Variants in MAST1 observed in about 807,000 individuals in gnomAD.
MAST1 encodes the protein microtubule associated serine/threonine kinase 1.
Under a neutral mutation model 124.6 loss-of-function variants are expected in MAST1, and 40 were observed. That is an observed-to-expected ratio of 0.32 (90% confidence interval 0.25 to 0.42). The LOEUF (loss-of-function observed/expected upper bound fraction) is 0.42. Among genes scored for constraint, MAST1 ranks in the 10% least tolerant of loss-of-function variants. The pLI, the probability that MAST1 is intolerant of heterozygous loss-of-function variation, is 1.00. For missense variants in MAST1, 1,558 were observed against 2,181.9 expected (o/e 0.71, Z 5.70); for synonymous variants, 938 against 939.4 (o/e 1.00, Z 0.03).
chr19:12,850,771 C>A (rs1038663606), intron 7 of MAST1, among the ~76,000 whole-genome samples: 1 of 151,650 alleles, frequency 6.6e-6, no homozygotes, highest in Non-Finnish European at 1.5e-5. Flanking sequence ...TCTATGTTGC[C>A]CAGGGTGGTC....
intron 12 of MAST1, among the ~76,000 whole-genome samples, chr19:12,859,929 T>C (rs555527201): frequency 6.6e-6 from 1 of 151,850 alleles, no homozygotes; most frequent in Non-Finnish European, 1.5e-5. Context: ...CTCCAACTCC[T>C]GGGCTCAAGC....
chr19:12,868,126 T>TTTTTTTTTTTTTTTTTTTTTAAA, intron 20 of MAST1, 149 bp downstream of exon 20: 1 of 637,110 alleles, frequency 1.6e-6, no homozygotes, highest in East Asian at 3.8e-5. Flanking sequence ...TTTTTTTTTT[T>TTTTTTTTTTTTTTTTTTTTTAAA]GAGACAGAGT....
chr19:12,865,928 G>T lies in MAST1; in HGVS notation c.1907-52G>T. 3 of 1,612,024 alleles carry T rather than the reference G, an allele frequency of 1.9e-6. No individual in the cohort carries two copies. The highest frequency in any genetic ancestry group is 1.7e-6 in the Non-Finnish European group (2 of 1,178,886). Reference sequence around the variant, plus strand: ...CGGGGCGGAAGACATGGGGGGCGGGGCTGGGCTGCTGGGTTGGCCATCAGC... The same window carrying T: ...CGGGGCGGAAGACATGGGGGGCGGGTCTGGGCTGCTGGGTTGGCCATCAGC... On this transcript the variant is annotated intron_variant, in intron 16 of 25. Transcript: ENST00000251472. This position sits in a 1 kb window ranked among gnomAD's most constrained non-coding sequence, Gnocchi z 7.1.
Position 12,865,399 on chromosome 19 carries a change from G to T in MAST1, c.1722G>T (p.Gly574=). 5 of 1,612,630 alleles carry T rather than the reference G, an allele frequency of 3.1e-6. No individual in the cohort carries two copies. The highest frequency in any genetic ancestry group is 4.2e-6 in the Non-Finnish European group (5 of 1,179,290). Residue 574 remains glycine (G), a synonymous_variant, in exon 15 of 26, where the codon GGG becomes GGT. Coordinates refer to ENST00000251472, the MANE Select transcript of MAST1 (RefSeq NM_014975.3). This position sits in a 1 kb window ranked among gnomAD's most constrained non-coding sequence, Gnocchi z 7.1. ...AGCCAGTGGACTGGTGGGCTATGGG[G>T]ATCATCCTCTACGAGTTCCTGGTGG... is the stretch of plus-strand genomic sequence containing the variant. ...YGKPVDWWAM[G]IILYEFLVGC...
At position 12,870,895 on chromosome 19, in the gene MAST1, G is replaced by C; in HGVS notation, c.3075G>C (p.Gly1025=). 6.2e-7 allele frequency: 1 copy of C among 1,614,060 alleles called. No homozygotes were observed. Among genetic ancestry groups the C allele is most frequent in the African/African-American group, 1.3e-5 (1 of 74,998 alleles). Residue 1025 remains glycine, a synonymous_variant, in exon 23 of 26, where the codon GGG becomes GGC. Transcript: ENST00000251472. ...CAGDLITHVN[G]EPVHGMVHPE... is the part of the protein sequence containing the mutation. ...GGGACCTCATCACCCACGTGAATGGGGAGCCTGTGCATGGCATGGTGCATC... is the reference window on the plus strand; with the variant it reads ...GGGACCTCATCACCCACGTGAATGGCGAGCCTGTGCATGGCATGGTGCATC...
At chr19:12,851,325 G>A (rs1354368612) in intron 7 of MAST1, among the ~76,000 whole-genome samples, 1 of 151,106 alleles carries the variant, frequency 6.6e-6, no homozygotes, top group Non-Finnish European at 1.5e-5. Context: ...GAGTGCAGTG[G>A]TATAATCAGC....
chr19:12,859,134 C>T (rs1264529397), intron 12 of MAST1, among the ~76,000 whole-genome samples: 1 of 152,048 alleles, frequency 6.6e-6, no homozygotes, highest in East Asian at 1.9e-4. Context: ...GGCTGCAGTG[C>T]AGTGGTGCAA....
chr19:12,870,239 C>T (rs1393229178), intron 22 of MAST1, among the ~76,000 whole-genome samples: 2 of 148,922 alleles, frequency 1.3e-5, no homozygotes, highest in Non-Finnish European at 3.0e-5. Context: ...CCTGTAATCC[C>T]GGCACTTTGG....
At chr19:12,851,834 A>G (rs7250751) in intron 7 of MAST1, 100 bp from the exon 8 acceptor site, 275,104 of 858,524 alleles carry the variant, frequency 0.32, 48,885 homozygotes, top group East Asian at 0.68. Context: ...CACCTGTAAG[A>G]TGGGACAGTA....
intron 3 of MAST1, among the ~76,000 whole-genome samples, chr19:12,842,903 T>C (rs1390454829): frequency 6.6e-6 from 1 of 152,120 alleles, no homozygotes; most frequent in Non-Finnish European, 1.5e-5. Context: ...TGCATTAGTG[T>C]GTGAGAGTGT....
At chr19:12,848,149 G>A in intron 7 of MAST1, 92 bp downstream of exon 7, 3 of 1,213,400 alleles carry the variant, frequency 2.5e-6, no homozygotes, top group Admixed American at 2.1e-5. Context: ...TACATTCAGG[G>A]AGCTCCTACC....
intron 3 of MAST1, among the ~76,000 whole-genome samples, chr19:12,842,266 T>C (rs573932172): frequency 1.3e-4 from 19 of 151,782 alleles, no homozygotes; most frequent in Non-Finnish European, 2.6e-4. Context: ...AGAGTCACAG[T>C]GTTTACTGTC....
rs1418376163 is a variant in MAST1, at chr19:12,847,721, C to T, written c.564+34C>T. 2 of 1,609,032 alleles carry T rather than the reference C, an allele frequency of 1.2e-6. No individual in the cohort carries two copies. Among genetic ancestry groups the T allele is most frequent in the East Asian group, 2.2e-5 (1 of 44,794 alleles). On this transcript the variant is annotated intron_variant, in intron 6 of 25. Transcript: ENST00000251472. The surrounding 1 kb of genome is among the most constrained non-coding windows in gnomAD (Gnocchi z 5.5). ...GGACCCGAGGCGGTCACGGGGTGAC[C>T]AGGCGGCCTGCACTCTCGCTCGCCT...
rs749533973 is a variant in MAST1 at position 12,874,309 on chromosome 19, G to C, written c.4152G>C (p.Arg1384=). ...ATTPGGRTLE[R]DVGCTRHQSV... ...CCCCCGGTGGCCGGACCCTGGAGCG[G>C]GACGTCGGCTGCACGCGGCATCAGA... The change falls in exon 26 of 26, where the codon CGG becomes CGC. Residue 1384 remains arginine (R), a synonymous_variant. Transcript: ENST00000251472. The surrounding 1 kb of genome is among the most constrained non-coding windows in gnomAD (Gnocchi z 6.6). 4.4e-6 allele frequency: 7 copies of C among 1,594,358 alleles called. No homozygotes were observed. The South Asian group carries it at 7.7e-5, about 18-fold the overall frequency.
intron 12 of MAST1, among the ~76,000 whole-genome samples, chr19:12,862,978 G>A (rs1970103501): frequency 6.6e-6 from 1 of 151,540 alleles, no homozygotes; most frequent in Admixed American, 6.6e-5. Context: ...ATGAAACCCT[G>A]TTTCTACTAA....
intron 24 of MAST1, 90 bp downstream of exon 24, chr19:12,871,262 C>A: frequency 3.2e-6 from 5 of 1,551,282 alleles, no homozygotes; most frequent in East Asian, 2.3e-5. Flanking sequence ...GGGAAGAGCA[C>A]GGGAAAGGTG....
At position 12,874,587 on chromosome 19, in the gene MAST1, G is replaced by C. The variant is rs1392608040; in HGVS notation, c.4430G>C (p.Arg1477Pro). The C allele has an allele frequency of 6.6e-7, 1 of 1,507,596 alleles. No homozygotes were observed. Among genetic ancestry groups the C allele is most frequent in the Non-Finnish European group, 8.9e-7 (1 of 1,129,912 alleles). The allele number at this position is 1,507,596 out of a possible 1,614,324, so 93.4% of individuals were successfully genotyped here. ...TCCGTGCCCGAGGCCCCCCGGGGCCGGGAGCGCTGGGTGTTGGAGGTGGTG... is the reference window on the plus strand; with the variant it reads ...TCCGTGCCCGAGGCCCCCCGGGGCCCGGAGCGCTGGGTGTTGGAGGTGGTG... The part of the protein sequence containing the change: ...APSVPEAPRG[R>P]ERWVLEVVEE... Residue 1477 changes from arginine (R) to proline (P), a missense_variant, in exon 26 of 26, where the codon CGG (arginine) becomes CCG (proline). Transcript: ENST00000251472. This position sits in a 1 kb window ranked among gnomAD's most constrained non-coding sequence, Gnocchi z 6.6.
At position 12,867,921 on chromosome 19, in the gene MAST1, C is replaced by T. The variant is rs534409331; in HGVS notation, c.2510C>T (p.Ala837Val). Residue 837 changes from alanine (A) to valine (V), a missense_variant, in exon 20 of 26, where the codon GCC becomes GTC. By Grantham distance (64) the Ala-to-Val change is moderately conservative. This residue lies in a region of MAST1 where 287 missense variants were observed against 308.0 expected (regional missense o/e 0.93). Transcript: ENST00000251472. ...CCCGCGGGATCCCTGGATGCACGGG[C>T]CCCCAAAGAGGAGACTCAAGGGGAA... ...SDPAGSLDAR[A>V]PKEETQGEGT... 5.0e-6 allele frequency: 8 copies of T among 1,598,254 alleles called. No homozygotes were observed. The East Asian group carries it at 1.1e-4, about 22-fold the overall frequency.
chr19:12,871,636 AAG>A (rs1489884461), intron 24 of MAST1, among the ~76,000 whole-genome samples: 1 of 151,580 alleles, frequency 6.6e-6, no homozygotes, highest in Admixed American at 6.6e-5. Flanking sequence ...CAAACAAAAA[AAG>A]AGGGGCTGGG....
Sources: gnomAD v4.1 joint callset for allele counts (sites outside exome capture counted in the v4.1 genomes callset) on GRCh38, gnomAD v4.1.1 for gene constraint, gnomAD v4.1.1 regional missense constraint, Gnocchi (gnomAD v3.1) non-coding constraint, MANE v1.5 for transcripts, NCBI Gene and HGNC (gene_info 2026-07-23, HGNC 2026-07-21) for gene names.